SI: variants seen among roughly 807,000 people sequenced by gnomAD.
The protein encoded by SI is sucrase-isomaltase, intestinal.
Under a neutral mutation model 253.3 loss-of-function variants are expected in SI, and 235 were observed. That is an observed-to-expected ratio of 0.93 (90% CI 0.83 to 1.03). The LOEUF (loss-of-function observed/expected upper bound fraction) is 1.03, where lower values mean the gene tolerates loss of function less well. Ranked by LOEUF, SI falls within the 50% of genes least tolerant of loss-of-function variation. SI has a pLI of 0.00. For synonymous variants in SI, 819 were observed against 712.0 expected (o/e 1.15, Z -2.39); for missense variants, 2,442 against 2,211.1 (o/e 1.10, Z -2.09).
At position 165,019,610 on chromosome 3, in the gene SI, G is replaced by T; in HGVS notation, c.3415C>A (p.Pro1139Thr). Reference protein sequence around the residue: ...NTWGMFTRDQPPGYKLNSYGF... With the variant: ...NTWGMFTRDQTPGYKLNSYGF... ...CATATGTTGGTACCTACACCAGGGG[G>T]TTGGTCTCTTGTGAACATTCCCCAA... Residue 1139 changes from proline (P) to threonine (T), a missense_variant, in exon 28 of 48, where the codon CCC (proline) becomes ACC (threonine). Pro to Thr is a conservative substitution (Grantham distance 38, BLOSUM62 -1). Coordinates refer to ENST00000264382, the MANE Select transcript of SI (RefSeq NM_001041.4). 2 of 1,612,248 alleles carry T rather than the reference G, an allele frequency of 1.2e-6. No homozygotes were observed. The highest frequency in any genetic ancestry group is 1.7e-6 in the Non-Finnish European group (2 of 1,178,784).
chr3:165,029,628 AGCCT>A (rs2108200503), intron 25 of SI, among the ~76,000 whole-genome samples: 3 of 145,310 alleles, frequency 2.1e-5, no homozygotes, highest in Admixed American at 1.4e-4. Context: ...ATGTAACATT[AGCCT>A]TATATATATA....
intron 13 of SI, among the ~76,000 whole-genome samples, chr3:165,053,495 T>C (rs1382436482): frequency 6.6e-6 from 1 of 152,158 alleles, no homozygotes; most frequent in African/African-American, 2.4e-5. Flanking sequence ...AAGTAGAATA[T>C]CCACTGTTTA....
chr3:165,032,483 T>A, intron 24 of SI, 39 bp downstream of exon 24: 1 of 1,362,570 alleles, frequency 7.3e-7, no homozygotes, highest in Non-Finnish European at 1.0e-6. Flanking sequence ...AAATATGAGA[T>A]TATATGATAG....
intron 22 of SI, among the ~76,000 whole-genome samples, chr3:165,034,163 T>C (rs1488737109): frequency 1.3e-5 from 2 of 151,896 alleles, no homozygotes; most frequent in Non-Finnish European, 2.9e-5. Context: ...ATTCAGAACC[T>C]GAACTGAAGA....
chr3:165,018,953 T>C (rs536976834), intron 28 of SI, among the ~76,000 whole-genome samples: 2 of 151,952 alleles, frequency 1.3e-5, no homozygotes, highest in South Asian at 4.1e-4. Flanking sequence ...GTACTGAGTA[T>C]ATCCTTTTAA....
At chr3:164,988,042 G>A (rs905076137) in intron 44 of SI, among the ~76,000 whole-genome samples, 11 of 152,124 alleles carry the variant, frequency 7.2e-5, no homozygotes, top group Non-Finnish European at 1.5e-4. Context: ...TACCTTTCAA[G>A]CATGTTCCTG....
Position 164,987,118 on chromosome 3 carries a change from C to G in SI, c.5197+20G>C. ...AGAATACGACATCAATTAAATTTAT[C>G]TACTAAATCGAGCACTCACCTATAC... is the stretch of plus-strand genomic sequence containing the variant. On this transcript the variant is annotated intron_variant, in intron 45 of 47. Coordinates refer to ENST00000264382, the MANE Select transcript of SI (RefSeq NM_001041.4). The G allele has an allele frequency of 6.4e-7, 1 of 1,558,736 alleles. No individual in the cohort carries two copies. Among genetic ancestry groups the G allele is most frequent in the Non-Finnish European group, 8.8e-7 (1 of 1,130,062 alleles).
intron 37 of SI, among the ~76,000 whole-genome samples, chr3:165,004,439 T>G (rs1718404955): frequency 6.6e-6 from 1 of 152,174 alleles, no homozygotes; most frequent in Admixed American, 6.5e-5. Context: ...TCAGCAGTCC[T>G]GCTGCTGAAT....
In SI at chr3:165,022,535, TCACACACACA is replaced by T. The variant is rs10686237; in HGVS notation, c.3099+1025_3099+1034del. On this transcript the variant is annotated intron_variant, in intron 26 of 47. Coordinates refer to ENST00000264382, the MANE Select transcript of SI (RefSeq NM_001041.4). ...ACATCTTCTATGCTTTTGTGCCATC[TCACACACACA>T]CACACACACACACACACACACACAC... is the stretch of plus-strand genomic sequence containing the variant. Among the ~76,000 whole-genome samples the T allele has an allele frequency of 6.3e-4, 87 of 137,934 alleles. No homozygotes were observed. The East Asian group carries it at 0.011, about 18-fold the overall frequency. The allele number at this position is 137,934 out of a possible 152,430, so 90.5% of individuals were successfully genotyped here.
intron 3 of SI, among the ~76,000 whole-genome samples, chr3:165,073,013 T>C (rs1405437062): frequency 2.0e-5 from 3 of 152,146 alleles, no homozygotes; most frequent in Non-Finnish European, 4.4e-5. Context: ...TATTTCACAC[T>C]GAAAACATTC....
chr3:164,979,334 C>T lies in SI; in HGVS notation c.*28G>A, dbSNP rs766565274. 1 of 1,387,980 alleles carries T rather than the reference C, an allele frequency of 7.2e-7. No individual in the cohort carries two copies. Among genetic ancestry groups the T allele is most frequent in the Non-Finnish European group, 1.0e-6 (1 of 976,712 alleles). The allele number at this position is 1,387,980 out of a possible 1,614,324, so 86.0% of individuals were successfully genotyped here. A position where few individuals can be genotyped will look rare whatever the true frequency, so the allele number is the denominator to read the frequency against. On this transcript the variant is annotated 3_prime_UTR_variant, in exon 48 of 48. Transcript: ENST00000264382. The stretch of plus-strand genomic sequence containing the variant: ...AAACTTAAATCCTGGTGTTTTTTCC[C>T]ATTGACAACTAAAATTGATGGTGAT...
chr3:164,996,881 C>T (rs1718037677), intron 38 of SI, 109 bp from the exon 39 acceptor site: 2 of 576,338 alleles, frequency 3.5e-6, no homozygotes, highest in South Asian at 5.9e-5. Context: ...AACCTCCAAA[C>T]CTGAAACATT....
chr3:165,035,146 T>C lies in SI; in HGVS notation c.2515+1243A>G, dbSNP rs759860683. On this transcript the variant is annotated intron_variant, in intron 22 of 47. Coordinates refer to ENST00000264382, the MANE Select transcript of SI (RefSeq NM_001041.4). ...AGATCCAAGTTCTATCTTGGCAGAT[T>C]ATGTTTTAGATTTTTATTAGACAAA... 9.2e-5 allele frequency among the ~76,000 whole-genome samples: 14 copies of C among 152,098 alleles called. No individual in the cohort carries two copies. In the Middle Eastern group the frequency reaches 0.01, roughly 111 times the overall value.
chr3:164,993,743 C>A (rs1432501982), intron 41 of SI, among the ~76,000 whole-genome samples: 1 of 151,470 alleles, frequency 6.6e-6, no homozygotes. Context: ...AAGATTTGGT[C>A]ATATAAAAGT....
At position 165,074,638 on chromosome 3, in the gene SI, T is replaced by C; in HGVS notation, c.148A>G (p.Thr50Ala). Reference sequence around the variant, plus strand: ...GAAGGATTTGTAGTCACACGAGTAGTAGCTGGAGTTGAAGTAGAATCACTA... The same window carrying C: ...GAAGGATTTGTAGTCACACGAGTAGCAGCTGGAGTTGAAGTAGAATCACTA... ...EISDSTSTPA[T>A]TRVTTNPSDS... The change falls in exon 3 of 48, where the codon ACT (threonine) becomes GCT (alanine). Residue 50 changes from threonine (T) to alanine (A), a missense_variant. Coordinates refer to ENST00000264382, the MANE Select transcript of SI (RefSeq NM_001041.4). 1 of 1,610,326 alleles carries C rather than the reference T, an allele frequency of 6.2e-7. No individual in the cohort carries two copies. The highest frequency in any genetic ancestry group is 8.5e-7 in the Non-Finnish European group (1 of 1,177,332).
Position 165,063,488 on chromosome 3 carries a change from T to C in SI, c.861A>G (p.Thr287=). ...AAAAAACACCGAATGACTTTCCAGA[T>C]GTATCTTCAATACACATAAAGAATG... ...HQTFFMCIED[T]SGKSFGVFLM... The change falls in exon 8 of 48, where the codon ACA becomes ACG. Residue 287 remains threonine, a synonymous_variant. Transcript: ENST00000264382. The C allele has an allele frequency of 6.4e-7, 1 of 1,569,960 alleles. No individual in the cohort carries two copies. The highest frequency in any genetic ancestry group is 8.8e-7 in the Non-Finnish European group (1 of 1,142,516).
At chr3:165,009,158 A>G in intron 35 of SI, 121 bp downstream of exon 35, 1 of 703,028 alleles carries the variant, frequency 1.4e-6, no homozygotes, top group Non-Finnish European at 2.5e-6. Context: ...TCTGTGGGGG[A>G]AAAAAGTGGA....
intron 13 of SI, among the ~76,000 whole-genome samples, chr3:165,053,709 C>T (rs968676808): frequency 4.6e-5 from 7 of 152,130 alleles, no homozygotes; most frequent in African/African-American, 1.2e-4. Flanking sequence ...AGAAATGCAA[C>T]ACTCTCTCTT....
intron 25 of SI, among the ~76,000 whole-genome samples, chr3:165,026,869 C>A (rs903527260): frequency 6.6e-6 from 1 of 151,156 alleles, no homozygotes; most frequent in African/African-American, 2.4e-5. Flanking sequence ...ACCAAAAAGT[C>A]TGAAAGAGCA....
Sources: allele counts gnomAD v4.1 joint callset (sites outside exome capture counted in the v4.1 genomes callset), GRCh38; gene constraint gnomAD v4.1.1; transcripts MANE v1.5; gene names NCBI Gene and HGNC (gene_info 2026-07-23, HGNC 2026-07-21).